RFX1: variants seen among roughly 807,000 people sequenced by gnomAD.
The protein encoded by RFX1 is MHC class II regulatory factor RFX1.
In RFX1, 42 loss-of-function variants were observed where a neutral mutation model predicts 119.6. The ratio of observed to expected loss-of-function variants is 0.35; its 90% CI spans 0.27 to 0.45. RFX1 has a LOEUF of 0.45. Among genes scored for constraint, RFX1 ranks in the 20% least tolerant of loss-of-function variants. The pLI is 1.00. For missense variants in RFX1, 1,118 were observed against 1,368.1 expected (o/e 0.82, Z 2.88); for synonymous variants, 628 against 618.5 (o/e 1.02, Z -0.23).
At chr19:13,975,732 G>C (rs1176055162) in intron 8 of RFX1, among the ~76,000 whole-genome samples, 1 of 152,244 alleles carries the variant, frequency 6.6e-6, no homozygotes, top group Non-Finnish European at 1.5e-5. Context: ...CTGAATGACT[G>C]AATAAATGAA....
rs1176454491 is a variant in RFX1, at chr19:13,961,803, G to T, written c.*892C>A. ...CAGGCTGAAAACACTGAGAAAACTG[G>T]AACAGATAAGGCCATGATGGTTGGA... is the stretch of plus-strand genomic sequence containing the variant. On this transcript the variant is annotated 3_prime_UTR_variant, in exon 21 of 21. Coordinates refer to ENST00000254325, the MANE Select transcript of RFX1 (RefSeq NM_002918.5). 6.6e-6 allele frequency: 1 copy of T among 152,408 alleles called. No homozygotes were observed. The highest frequency in any genetic ancestry group is 2.1e-4 in the South Asian group (1 of 4,832). 9.4% of individuals were successfully genotyped at this position (152,408 alleles called of 1,614,324 possible).
At chr19:13,999,032 C>T (rs1035937702) in intron 1 of RFX1, among the ~76,000 whole-genome samples, 20 of 152,170 alleles carry the variant, frequency 1.3e-4, no homozygotes, top group Admixed American at 1.2e-3. Context: ...CTATTGGAGG[C>T]CTTCTCAGCA....
At chr19:13,971,872 G>A (rs1974090661) in intron 9 of RFX1, among the ~76,000 whole-genome samples, 1 of 152,130 alleles carries the variant, frequency 6.6e-6, no homozygotes, top group African/African-American at 2.4e-5. Context: ...GCTGAGCGTG[G>A]TGGCACGCCT....
chr19:13,973,501 A>C (rs560847859), intron 8 of RFX1, among the ~76,000 whole-genome samples: 11 of 152,312 alleles, frequency 7.2e-5, no homozygotes, highest in Admixed American at 7.2e-4. Context: ...AATCCCAGCT[A>C]CTTGGGAGGC....
chr19:13,962,600 C>A lies in RFX1; in HGVS notation c.*95G>T. The A allele has an allele frequency of 1.9e-6, 2 of 1,057,268 alleles. No individual in the cohort carries two copies. Among genetic ancestry groups the A allele is most frequent in the Non-Finnish European group, 1.3e-6 (1 of 780,000 alleles). 65.5% of individuals were successfully genotyped at this position (1,057,268 alleles called of 1,614,324 possible). A position where few individuals can be genotyped will look rare whatever the true frequency, so the allele number is the denominator to read the frequency against. On this transcript the variant is annotated 3_prime_UTR_variant, in exon 21 of 21. Transcript: ENST00000254325. ...CTCGGAGTCCCCCTCCCTGCCCTGG[C>A]TGAGGCTGGAGCAGTGACCACGAAG...
chr19:13,964,680 C>A (rs919531966), intron 16 of RFX1, among the ~76,000 whole-genome samples: 3 of 152,116 alleles, frequency 2.0e-5, no homozygotes, highest in African/African-American at 4.8e-5. Context: ...CAAGGTTTCA[C>A]CATGTTGGCC....
At chr19:13,963,311 C>T in intron 18 of RFX1, 36 bp from the exon 19 acceptor site, 4 of 1,577,144 alleles carry the variant, frequency 2.5e-6, no homozygotes, top group Middle Eastern at 2.0e-4. Context: ...CGTCAGGCCC[C>T]GTCCGGCCCG....
intron 1 of RFX1, among the ~76,000 whole-genome samples, chr19:13,998,974 G>A (rs897240276): frequency 4.6e-5 from 7 of 152,176 alleles, no homozygotes; most frequent in African/African-American, 1.4e-4. Flanking sequence ...AAAAGGCTGA[G>A]CTCAAAAGGA....
chr19:13,962,501 T>G lies in RFX1; in HGVS notation c.*194A>C. The G allele has an allele frequency of 1.8e-6, 1 of 547,720 alleles. No individual in the cohort carries two copies. The highest frequency in any genetic ancestry group is 3.2e-6 in the Non-Finnish European group (1 of 316,546). The allele number at this position is 547,720 out of a possible 1,614,324, so 33.9% of individuals were successfully genotyped here. A position where few individuals can be genotyped will look rare whatever the true frequency, so the allele number is the denominator to read the frequency against. On this transcript the variant is annotated 3_prime_UTR_variant, in exon 21 of 21. Transcript: ENST00000254325. ...TTAAGGCACGTCTTTTGTGTCAGAG[T>G]TTGCAGCTGCGGCTCCGCCCAGCCC...
chr19:14,004,988 T>C (rs1975325509), intron 1 of RFX1, among the ~76,000 whole-genome samples: 2 of 152,154 alleles, frequency 1.3e-5, no homozygotes, highest in African/African-American at 4.8e-5. Context: ...GTCAGTGACA[T>C]GTGACTCGGT....
chr19:13,973,094 C>A lies in RFX1; in HGVS notation c.963G>T (p.Pro321=), dbSNP rs762423446. The change falls in exon 9 of 21, where the codon CCG becomes CCT. Residue 321 remains proline (P), a synonymous_variant. Transcript: ENST00000254325. The part of the protein sequence containing the change: ...RSSTYSYPET[P]LYTQTASTSY... Reference sequence around the variant, plus strand: ...TGGTGCTTGCCGTCTGCGTGTACAGCGGCGTCTCGGGATAGGAGTAGGTGC... The same window carrying A: ...TGGTGCTTGCCGTCTGCGTGTACAGAGGCGTCTCGGGATAGGAGTAGGTGC... The A allele has an allele frequency of 1.3e-6, 2 of 1,599,828 alleles. No homozygotes were observed. The highest frequency in any genetic ancestry group is 2.2e-5 in the South Asian group (2 of 91,066).
In RFX1 at chr19:13,965,394, G is replaced by A. The variant is rs1272842159; in HGVS notation, c.2211+55C>T. The A allele has an allele frequency of 7.4e-6, 11 of 1,491,702 alleles. No individual in the cohort carries two copies. Among genetic ancestry groups the A allele is most frequent in the Non-Finnish European group, 8.4e-6 (9 of 1,074,268 alleles). 92.4% of individuals were successfully genotyped at this position (1,491,702 alleles called of 1,614,324 possible). A position where few individuals can be genotyped will look rare whatever the true frequency, so the allele number is the denominator to read the frequency against. On this transcript the variant is annotated intron_variant, in intron 16 of 20. Coordinates refer to ENST00000254325, the MANE Select transcript of RFX1 (RefSeq NM_002918.5). The surrounding 1 kb of genome is among the most constrained non-coding windows in gnomAD (Gnocchi z 4.7). ...ATTTTACCGCCCCTGGGGAGCAGAG[G>A]AGACGGAGGCCTAAGCCCCAGAGAT...
Position 13,962,792 on chromosome 19 carries a change from T to G in RFX1, c.2843A>C (p.Glu948Ala). The change falls in exon 21 of 21, where the codon GAG (glutamate) becomes GCG (alanine). Residue 948 changes from glutamate to alanine, a missense_variant. By Grantham distance (107) the Glu-to-Ala change is moderately radical. Transcript: ENST00000254325. ...GGTCTCCGGGCCCAGCGCGGGTGAC[T>G]CGCCGCCAGCCGCCAGTGAGATGTC... is the stretch of plus-strand genomic sequence containing the variant. ...PQDISLAAGG[E>A]SPALGPETLE... is the part of the protein sequence containing the mutation. The G allele has an allele frequency of 2.0e-6, 3 of 1,529,806 alleles. No homozygotes were observed. Among genetic ancestry groups the G allele is most frequent in the East Asian group, 2.5e-5 (1 of 40,742 alleles). The allele number at this position is 1,529,806 out of a possible 1,614,324, so 94.8% of individuals were successfully genotyped here.
chr19:13,968,720 G>T lies in RFX1; in HGVS notation c.1617-40C>A. 1.2e-6 allele frequency: 2 copies of T among 1,609,730 alleles called. No homozygotes were observed. The highest frequency in any genetic ancestry group is 3.3e-4 in the Middle Eastern group (2 of 6,050). On this transcript the variant is annotated intron_variant, in intron 11 of 20. Transcript: ENST00000254325. This position sits in a 1 kb window ranked among gnomAD's most constrained non-coding sequence, Gnocchi z 5.5. Reference sequence around the variant, plus strand: ...GCAGGTGGGCCGGCTGCTGGGGGCCGGCCTGTGTGCCCTTCCCCGCCTGCC... The same window carrying T: ...GCAGGTGGGCCGGCTGCTGGGGGCCTGCCTGTGTGCCCTTCCCCGCCTGCC...
At chr19:13,983,443 C>A (rs748637964) in intron 3 of RFX1, 43 bp downstream of exon 3, 2 of 1,479,786 alleles carry the variant, frequency 1.4e-6, no homozygotes, top group Non-Finnish European at 1.8e-6. Flanking sequence ...GCACTGCCCC[C>A]CTCCCGGGCC....
chr19:13,979,433 G>A lies in RFX1; in HGVS notation c.834+14C>T, dbSNP rs765546698. On this transcript the variant is annotated intron_variant, in intron 7 of 20. Coordinates refer to ENST00000254325, the MANE Select transcript of RFX1 (RefSeq NM_002918.5). ...AGCCCCTTTGCCCGTGGGGTAGGAG[G>A]GGGAGACACACACCTCTTGAGCCAC... The A allele has an allele frequency of 1.3e-6, 2 of 1,547,910 alleles. No individual in the cohort carries two copies. The highest frequency in any genetic ancestry group is 1.8e-6 in the Non-Finnish European group (2 of 1,140,018).
Position 13,983,451 on chromosome 19 carries a change from G to T in RFX1, c.429+35C>A, listed in dbSNP as rs774165420. The T allele has an allele frequency of 9.2e-6, 14 of 1,523,396 alleles. No individual in the cohort carries two copies. The South Asian group carries it at 1.6e-4, about 18-fold the overall frequency. 94.4% of individuals were successfully genotyped at this position (1,523,396 alleles called of 1,614,324 possible). ...GCAGCCTGCACTGCCCCCCTCCCGG[G>T]CCCTCCCCCACCCCCTGGGAGGGCC... On this transcript the variant is annotated intron_variant, in intron 3 of 20. Coordinates refer to ENST00000254325, the MANE Select transcript of RFX1 (RefSeq NM_002918.5).
chr19:13,983,362 A>G (rs1204612224), intron 3 of RFX1, 92 bp from the exon 4 acceptor site: 3 of 1,282,472 alleles, frequency 2.3e-6, no homozygotes, highest in Admixed American at 4.2e-5. Flanking sequence ...GCACATCTTG[A>G]TAAGAACAGG....
intron 8 of RFX1, 24 bp downstream of exon 8, chr19:13,977,968 A>T: frequency 6.4e-7 from 1 of 1,569,678 alleles, no homozygotes; most frequent in Non-Finnish European, 8.7e-7. Flanking sequence ...TGACTCCCTC[A>T]CCCACCCCTC....
Sources: gnomAD v4.1 joint callset for allele counts (sites outside exome capture counted in the v4.1 genomes callset) on GRCh38, gnomAD v4.1.1 for gene constraint, Gnocchi (gnomAD v3.1) non-coding constraint, MANE v1.5 for transcripts, NCBI Gene and HGNC (gene_info 2026-07-23, HGNC 2026-07-21) for gene names.